EXOC4: variants seen among roughly 807,000 people sequenced by gnomAD.
EXOC4 encodes the protein SEC8-like 1.
In EXOC4, 71 loss-of-function variants were observed where a neutral mutation model predicts 107.2. That is an observed-to-expected ratio of 0.66 (90% CI 0.55 to 0.81). The LOEUF is 0.81. Among genes scored for constraint, EXOC4 ranks in the 30% least tolerant of loss-of-function variants. EXOC4 has a pLI of 0.00. For missense variants in EXOC4, 1,108 were observed against 1,189.6 expected, an observed-to-expected ratio of 0.93 and a Z score of 1.01; for synonymous variants, 456 against 441.2, an observed-to-expected ratio of 1.03 and a Z score of -0.42.
intron 11 of EXOC4, among the ~76,000 whole-genome samples, chr7:133,844,865 T>C (rs1798092699): frequency 1.3e-5 from 2 of 152,246 alleles, no homozygotes; most frequent in South Asian, 4.2e-4. Flanking sequence ...GGAGGTCATT[T>C]CAGGCACTCT....
At chr7:133,585,866 T>C (rs1286759773) in intron 9 of EXOC4, among the ~76,000 whole-genome samples, 1 of 152,060 alleles carries the variant, frequency 6.6e-6, no homozygotes. Context: ...GCTAATTTTT[T>C]GTATTTTTAT....
chr7:133,848,962 C>T (rs1483059690), intron 11 of EXOC4, among the ~76,000 whole-genome samples: 3 of 152,052 alleles, frequency 2.0e-5, no homozygotes, highest in African/African-American at 7.2e-5. Context: ...TATAGGAGAG[C>T]CCTTCTTAAT....
At position 133,498,546 on chromosome 7, in the gene EXOC4, C is replaced by T. The variant is rs28556945; in HGVS notation, c.1417+18408C>T. Among the ~76,000 whole-genome samples the T allele has an allele frequency of 9.4e-4, 143 of 152,308 alleles. 1 individual carries two copies. The highest frequency in any genetic ancestry group is 3.2e-3 in the African/African-American group (135 of 41,572). On this transcript the variant is annotated intron_variant, in intron 9 of 17. Transcript: ENST00000253861. ...CTTGCAGTGAGCCGAGATCATGCTACTGCACTCCAGCCTAGGCGACAGAGC... is the reference window on the plus strand; with the variant it reads ...CTTGCAGTGAGCCGAGATCATGCTATTGCACTCCAGCCTAGGCGACAGAGC...
chr7:133,312,134 G>A (rs955471642), intron 4 of EXOC4, among the ~76,000 whole-genome samples: 15 of 152,028 alleles, frequency 9.9e-5, no homozygotes, highest in African/African-American at 3.4e-4. Context: ...TTGGTAAGAA[G>A]AACAAAAATA....
At chr7:133,669,683 A>T (rs113813258) in intron 10 of EXOC4, among the ~76,000 whole-genome samples, 3 of 152,310 alleles carry the variant, frequency 2.0e-5, no homozygotes, top group African/African-American at 7.2e-5. Context: ...AGTGAAATGC[A>T]TTTGCGTATA....
intron 10 of EXOC4, among the ~76,000 whole-genome samples, chr7:133,754,305 G>A (rs1795853724): frequency 6.6e-6 from 1 of 152,202 alleles, no homozygotes; most frequent in Non-Finnish European, 1.5e-5. Context: ...GGAGAAAGAT[G>A]TTAAGTTTAG....
intron 7 of EXOC4, among the ~76,000 whole-genome samples, chr7:133,405,403 T>C (rs1797193949): frequency 6.6e-6 from 1 of 152,184 alleles, no homozygotes; most frequent in Non-Finnish European, 1.5e-5. Flanking sequence ...TTTTCCCTTT[T>C]TGTGGTTTCT....
At chr7:133,829,014 T>C (rs1374110130) in intron 11 of EXOC4, among the ~76,000 whole-genome samples, 1 of 152,158 alleles carries the variant, frequency 6.6e-6, no homozygotes, top group African/African-American at 2.4e-5. Context: ...CACAGAAGGC[T>C]GGAGGATTCA....
At chr7:134,000,934 A>T (rs1447108836) in intron 15 of EXOC4, among the ~76,000 whole-genome samples, 3 of 152,190 alleles carry the variant, frequency 2.0e-5, no homozygotes, top group Non-Finnish European at 2.9e-5. Context: ...TCCATAGCCC[A>T]TATTTTTCTT....
At chr7:133,464,436 A>G (rs1798668496) in intron 7 of EXOC4, among the ~76,000 whole-genome samples, 1 of 152,192 alleles carries the variant, frequency 6.6e-6, no homozygotes, top group African/African-American at 2.4e-5. Flanking sequence ...AGGCACATGA[A>G]TTTCTATTTT....
intron 17 of EXOC4, among the ~76,000 whole-genome samples, chr7:134,035,028 T>C (rs1020713995): frequency 1.3e-5 from 2 of 150,728 alleles, no homozygotes; most frequent in Non-Finnish European, 2.9e-5. Flanking sequence ...AGGTTTTTTT[T>C]CTTTTTTCTT....
chr7:133,327,923 G>A (rs537677831), intron 5 of EXOC4, among the ~76,000 whole-genome samples: 1 of 152,232 alleles, frequency 6.6e-6, no homozygotes, highest in African/African-American at 2.4e-5. Flanking sequence ...GTTGATTTGT[G>A]GTGGAGAGTT....
chr7:133,410,607 G>A (rs114696754), intron 7 of EXOC4, among the ~76,000 whole-genome samples: 1 of 152,234 alleles, frequency 6.6e-6, no homozygotes, highest in African/African-American at 2.4e-5. Context: ...GTGTGTTGGG[G>A]TGGGGGCATA....
At chr7:133,799,976 G>A (rs1796899216) in intron 10 of EXOC4, among the ~76,000 whole-genome samples, 2 of 152,122 alleles carry the variant, frequency 1.3e-5, no homozygotes, top group Non-Finnish European at 2.9e-5. Flanking sequence ...TCAGGTAGCT[G>A]TAGCTTTATA....
At chr7:133,718,102 C>T (rs754011128) in intron 10 of EXOC4, among the ~76,000 whole-genome samples, 16 of 152,088 alleles carry the variant, frequency 1.1e-4, no homozygotes, top group African/African-American at 3.6e-4. Flanking sequence ...ACTGATTGCC[C>T]GCCTCACCCA....
chr7:134,032,512 T>TA (rs1795292399), intron 17 of EXOC4, among the ~76,000 whole-genome samples: 1 of 152,188 alleles, frequency 6.6e-6, no homozygotes, highest in African/African-American at 2.4e-5. Flanking sequence ...TGACACCTCT[T>TA]ACTGCCACCA....
intron 9 of EXOC4, among the ~76,000 whole-genome samples, chr7:133,544,275 C>T (rs1440317242): frequency 6.6e-6 from 1 of 151,964 alleles, no homozygotes; most frequent in Non-Finnish European, 1.5e-5. Flanking sequence ...ATAATCACAG[C>T]ACGTTTAGGA....
At chr7:133,304,900 A>G (rs1348962861) in intron 3 of EXOC4, among the ~76,000 whole-genome samples, 1 of 152,222 alleles carries the variant, frequency 6.6e-6, no homozygotes, top group Non-Finnish European at 1.5e-5. Context: ...GAGGGAGCTC[A>G]CTTGTGTTCT....
In EXOC4 at chr7:133,817,523, A is replaced by G. The variant is rs760575193; in HGVS notation, c.1713A>G (p.Gly571=). 2 of 1,613,998 alleles carry G rather than the reference A, an allele frequency of 1.2e-6. No individual in the cohort carries two copies. The highest frequency in any genetic ancestry group is 2.2e-5 in the East Asian group (1 of 44,874). ...ACGCAGACACCATGAAGGTGCTGGG[A>G]GTGCAGCGGCCTCTCCTACAGGTAA... ...LANADTMKVL[G]VQRPLLQSTI... The change falls in exon 11 of 18, where the codon GGA becomes GGG. Residue 571 remains glycine, a synonymous_variant. Coordinates refer to ENST00000253861, the MANE Select transcript of EXOC4 (RefSeq NM_021807.4).
Sources: gnomAD v4.1 joint callset for allele counts (sites outside exome capture counted in the v4.1 genomes callset) on GRCh38, gnomAD v4.1.1 for gene constraint, MANE v1.5 for transcripts, NCBI Gene and HGNC (gene_info 2026-07-23, HGNC 2026-07-21) for gene names.